The following NEDD4L variants were observed in gnomAD, a reference collection of about 807,000 sequenced individuals.
The protein encoded by NEDD4L is E3 ubiquitin-protein ligase NEDD4-like.
A neutral mutation model predicts 148.9 loss-of-function variants in NEDD4L; 54 were observed. The observed-to-expected ratio is 0.36, with a 90% CI of 0.29 to 0.45. The LOEUF (loss-of-function observed/expected upper bound fraction) is 0.45, where lower values mean the gene tolerates loss of function less well. Among genes scored for constraint, NEDD4L ranks in the 20% least tolerant of loss-of-function variants. The pLI is 1.00. For missense variants in NEDD4L, 856 were observed against 1,233.8 expected (o/e 0.69, Z 4.59); for synonymous variants, 433 against 440.7 (o/e 0.98, Z 0.22).
At position 58,329,009 on chromosome 18, in the gene NEDD4L, A is replaced by G. The variant is rs757754811; in HGVS notation, c.695A>G (p.Glu232Gly). 1 of 1,613,942 alleles carries G rather than the reference A, an allele frequency of 6.2e-7. No individual in the cohort carries two copies. Among genetic ancestry groups the G allele is most frequent in the South Asian group, 1.1e-5 (1 of 91,072 alleles). The change falls in exon 10 of 31, where the codon GAG becomes GGG. Residue 232 changes from glutamate to glycine, a missense_variant. By Grantham distance (98) the Glu-to-Gly change is moderately conservative (BLOSUM62 -2). Coordinates refer to ENST00000400345, the MANE Select transcript of NEDD4L (RefSeq NM_001144967.3). The part of the protein sequence containing the change: ...HRPSLMDVSS[E>G]SDNNIRQINQ... Reference sequence around the variant, plus strand: ...TGCATGCTCAGGGACGTGTCCTCGGAGTCGGACAATAACATCAGACAGATC... The same window carrying G: ...TGCATGCTCAGGGACGTGTCCTCGGGGTCGGACAATAACATCAGACAGATC...
intron 19 of NEDD4L, among the ~76,000 whole-genome samples, 199 bp from the exon 20 acceptor site, chr18:58,364,069 A>AT (rs2045830988): frequency 6.6e-6 from 1 of 152,210 alleles, no homozygotes; most frequent in South Asian, 2.1e-4. Context: ...TGAAAGCTGC[A>AT]TTCAAAGCTG....
At chr18:58,172,596 G>A (rs572028662) in intron 2 of NEDD4L, among the ~76,000 whole-genome samples, 1 of 152,328 alleles carries the variant, frequency 6.6e-6, no homozygotes, top group South Asian at 2.1e-4. Flanking sequence ...GTAAGTTGTA[G>A]AGCTAGGTAT....
chr18:58,118,888 G>GC lies in NEDD4L; in HGVS notation c.49-46894dup, dbSNP rs1204916956. Among the ~76,000 whole-genome samples, 14 of 152,126 alleles carry GC rather than the reference G, an allele frequency of 9.2e-5. No homozygotes were observed. In the South Asian group the frequency reaches 2.5e-3, roughly 27 times the overall value. Reference sequence around the variant, plus strand: ...GGGCGCTGATTCCAGATCCTCTTCAGCCCCCCAAGCGGAACTGGGTTTCTC... The same window carrying GC: ...GGGCGCTGATTCCAGATCCTCTTCAGCCCCCCCAAGCGGAACTGGGTTTCTC... On this transcript the variant is annotated intron_variant, in intron 1 of 30. Transcript: ENST00000400345.
At chr18:58,333,934 C>T in intron 12 of NEDD4L, 42 bp downstream of exon 12, 1 of 1,391,882 alleles carries the variant, frequency 7.2e-7, no homozygotes, top group East Asian at 2.3e-5. Context: ...ACTTTTTGGG[C>T]TTTCATTTAC....
rs2144322714 is a variant in NEDD4L, at chr18:58,044,488, A to G, written c.-173A>G. The G allele has an allele frequency of 2.5e-6, 2 of 795,304 alleles. No homozygotes were observed. Among genetic ancestry groups the G allele is most frequent in the Non-Finnish European group, 3.4e-6 (2 of 588,216 alleles). The allele number at this position is 795,304 out of a possible 1,614,324, so 49.3% of individuals were successfully genotyped here. ...GGAGGAAGCGGTGCCGGCAGCGTCC[A>G]GGGCGCGCTCTCGGGCACCCTCACC... On this transcript the variant is annotated 5_prime_UTR_variant, in exon 1 of 31. Coordinates refer to ENST00000400345, the MANE Select transcript of NEDD4L (RefSeq NM_001144967.3).
intron 24 of NEDD4L, among the ~76,000 whole-genome samples, chr18:58,380,565 C>T (rs570549463): frequency 1.5e-4 from 23 of 152,228 alleles, no homozygotes; most frequent in African/African-American, 5.5e-4. Context: ...ATCTGCCCAC[C>T]TCGGCCTCCC....
chr18:58,329,150 C>T, intron 10 of NEDD4L, 23 bp downstream of exon 10: 1 of 1,608,546 alleles, frequency 6.2e-7, no homozygotes, highest in Non-Finnish European at 8.5e-7. Context: ...CAGAATGGTG[C>T]AAAGCCCGGC....
intron 1 of NEDD4L, among the ~76,000 whole-genome samples, chr18:58,115,245 C>CT (rs60541981): frequency 0.23 from 30,155 of 129,456 alleles, 3,787 homozygotes; most frequent in African/African-American, 0.32. Context: ...TTCTTTCTTT[C>CT]TTTTTTTTTT....
At chr18:58,183,908 G>A (rs6566945) in intron 2 of NEDD4L, among the ~76,000 whole-genome samples, 63,098 of 152,032 alleles carry the variant, frequency 0.42, 14,317 homozygotes, top group East Asian at 0.64. Flanking sequence ...GGTGGCTCAC[G>A]CCTGTAATCC....
chr18:58,299,516 C>T (rs1246045033), intron 5 of NEDD4L, among the ~76,000 whole-genome samples: 1 of 152,190 alleles, frequency 6.6e-6, no homozygotes, highest in Admixed American at 6.5e-5. Flanking sequence ...TTTGTGTATA[C>T]TAAATGTATT....
chr18:58,258,387 A>G (rs769502230), intron 5 of NEDD4L, among the ~76,000 whole-genome samples: 1 of 152,240 alleles, frequency 6.6e-6, no homozygotes, highest in Non-Finnish European at 1.5e-5. Context: ...TTTGATAACT[A>G]TTCAATTATA....
chr18:58,391,352 C>A, intron 29 of NEDD4L, 135 bp from the exon 30 acceptor site: 1 of 699,656 alleles, frequency 1.4e-6, no homozygotes, highest in Non-Finnish European at 2.6e-6. Context: ...ATCAATGTTG[C>A]AGCAGAAGAG....
chr18:58,152,958 C>T (rs943684192), intron 1 of NEDD4L, among the ~76,000 whole-genome samples: 11 of 152,170 alleles, frequency 7.2e-5, no homozygotes, highest in South Asian at 2.1e-4. Context: ...CATTCCGTGA[C>T]GGTTGACAGC....
Position 58,272,521 on chromosome 18 carries a change from G to A in NEDD4L, c.297+20467G>A, listed in dbSNP as rs567986980. On this transcript the variant is annotated intron_variant, in intron 5 of 30. Transcript: ENST00000400345. ...TATGTGCCTGTAGTCCCAGCTATTC[G>A]GGAGGTAGGAGGTAGGAGGATCACC... Among the ~76,000 whole-genome samples, 6 of 152,030 alleles carry A rather than the reference G, an allele frequency of 3.9e-5. No individual in the cohort carries two copies. In the South Asian group the frequency reaches 8.3e-4, roughly 21 times the overall value.
At position 58,399,813 on chromosome 18, in the gene NEDD4L, A is replaced by G. The variant is rs1944805; in HGVS notation, c.*3544A>G. On this transcript the variant is annotated 3_prime_UTR_variant, in exon 31 of 31. Transcript: ENST00000400345. ...ACAGTGACAGATTCTGAGAAACAGC[A>G]TGCAAAACATTTGAACCATTTTCTA... is the stretch of plus-strand genomic sequence containing the variant. The G allele has an allele frequency of 0.62, 94,921 of 151,980 alleles. 29,847 individuals carry two copies. The highest frequency in any genetic ancestry group is 0.7 in the African/African-American group (28,870 of 41,426). The allele number at this position is 151,980 out of a possible 1,614,324, so 9.4% of individuals were successfully genotyped here.
intron 1 of NEDD4L, among the ~76,000 whole-genome samples, chr18:58,155,380 G>A (rs888035994): frequency 4.0e-5 from 6 of 149,892 alleles, no homozygotes; most frequent in African/African-American, 1.5e-4. Context: ...TATTTTATGA[G>A]GAAACTGGAA....
intron 22 of NEDD4L, among the ~76,000 whole-genome samples, chr18:58,369,534 G>A (rs375941079): frequency 5.9e-5 from 9 of 151,988 alleles, no homozygotes; most frequent in East Asian, 3.9e-4. Context: ...CCCCCTGGTC[G>A]GCTTCATGCT....
At chr18:58,248,776 T>C (rs1231838302) in intron 3 of NEDD4L, 123 bp from the exon 4 acceptor site, 1 of 607,244 alleles carries the variant, frequency 1.6e-6, no homozygotes, top group Non-Finnish European at 3.0e-6. Flanking sequence ...AATAATCGAC[T>C]AAATGCTTCT....
At chr18:58,164,624 C>T (rs976980863) in intron 1 of NEDD4L, among the ~76,000 whole-genome samples, 12 of 152,202 alleles carry the variant, frequency 7.9e-5, no homozygotes, top group Non-Finnish European at 1.6e-4. Context: ...GCACATGCCA[C>T]CATGTCTGGC....
Sources: allele counts gnomAD v4.1 joint callset (sites outside exome capture counted in the v4.1 genomes callset), GRCh38; gene constraint gnomAD v4.1.1; transcripts MANE v1.5; gene names NCBI Gene and HGNC (gene_info 2026-07-23, HGNC 2026-07-21).